The following DLGAP1 variants were observed in gnomAD, a reference collection of about 807,000 sequenced individuals.
The protein encoded by DLGAP1 is DLG associated protein 1.
In DLGAP1, 11 loss-of-function variants were observed where a neutral mutation model predicts 90.8. The observed-to-expected ratio is 0.12, with a 90% CI of 0.08 to 0.20. The LOEUF is 0.20. Ranked by LOEUF, DLGAP1 falls within the 10% of genes least tolerant of loss-of-function variation. The pLI, the probability that DLGAP1 is intolerant of heterozygous loss-of-function variation, is 1.00. For synonymous variants in DLGAP1, 558 were observed against 540.7 expected (o/e 1.03, Z -0.44); for missense variants, 1,050 against 1,333.8 (o/e 0.79, Z 3.31).
chr18:4,418,303 T>C (rs1030863058), intron 1 of DLGAP1, among the ~76,000 whole-genome samples: 1 of 151,996 alleles, frequency 6.6e-6, no homozygotes, highest in Non-Finnish European at 1.5e-5. Context: ...ACATAAAGTA[T>C]ATAGAAAGGC....
At chr18:3,917,611 C>T (rs2072175249) in intron 3 of DLGAP1, among the ~76,000 whole-genome samples, 1 of 152,162 alleles carries the variant, frequency 6.6e-6, no homozygotes, top group Admixed American at 6.5e-5. Context: ...ACTGAGTAAA[C>T]ACCAAAGAGC....
intron 6 of DLGAP1, among the ~76,000 whole-genome samples, chr18:3,739,241 A>G (rs897257435): frequency 2.0e-4 from 31 of 151,358 alleles, no homozygotes; most frequent in Middle Eastern, 3.4e-3. Context: ...ATCTAGAACC[A>G]GAAATACCAT....
At chr18:3,619,352 C>T (rs145376992) in intron 7 of DLGAP1, among the ~76,000 whole-genome samples, 3 of 152,166 alleles carry the variant, frequency 2.0e-5, no homozygotes, top group Admixed American at 1.3e-4. Flanking sequence ...GCATCTTTCC[C>T]AGGTGGCCTG....
chr18:3,930,218 T>A (rs939301152), intron 3 of DLGAP1, among the ~76,000 whole-genome samples: 1 of 152,210 alleles, frequency 6.6e-6, no homozygotes. Flanking sequence ...GTGAACACAT[T>A]CTTTTCCTAT....
intron 1 of DLGAP1, among the ~76,000 whole-genome samples, chr18:4,393,267 A>G (rs191619865): frequency 6.1e-4 from 92 of 151,142 alleles, no homozygotes; most frequent in African/African-American, 2.1e-3. Flanking sequence ...CAAGACCCGT[A>G]TTTATTTGCA....
intron 1 of DLGAP1, among the ~76,000 whole-genome samples, chr18:4,209,231 A>G (rs1304226094): frequency 1.3e-5 from 2 of 152,254 alleles, no homozygotes; most frequent in East Asian, 3.9e-4. Context: ...GGCGGTGGTG[A>G]TTCTCCACCA....
At chr18:4,422,788 C>A (rs777201865) in intron 1 of DLGAP1, among the ~76,000 whole-genome samples, 67 of 151,930 alleles carry the variant, frequency 4.4e-4, no homozygotes, top group Non-Finnish European at 7.5e-4. Flanking sequence ...CTGAATGTAA[C>A]AAACTTTCAT....
At chr18:3,580,738 C>G in intron 8 of DLGAP1, 1 of 1,613,598 alleles carries the variant, frequency 6.2e-7, no homozygotes, top group East Asian at 2.2e-5. Flanking sequence ...AGGACAGCCA[C>G]GCACCATCCC....
At chr18:4,244,015 C>T (rs957172379) in intron 1 of DLGAP1, among the ~76,000 whole-genome samples, 1 of 152,076 alleles carries the variant, frequency 6.6e-6, no homozygotes, top group Non-Finnish European at 1.5e-5. Context: ...ATTTTGCTTT[C>T]TTGCTCTTTT....
intron 1 of DLGAP1, among the ~76,000 whole-genome samples, chr18:4,410,022 C>A (rs536108042): frequency 1.3e-5 from 2 of 152,166 alleles, no homozygotes; most frequent in East Asian, 3.9e-4. Context: ...TGGAAGAGAT[C>A]GGAGACTATT....
intron 3 of DLGAP1, among the ~76,000 whole-genome samples, chr18:3,921,488 C>T (rs2148912089): frequency 6.6e-6 from 1 of 152,062 alleles, no homozygotes; most frequent in Non-Finnish European, 1.5e-5. Context: ...CTATCCAATT[C>T]TATATATAAG....
At chr18:3,921,528 T>C (rs944626587) in intron 3 of DLGAP1, among the ~76,000 whole-genome samples, 3 of 152,122 alleles carry the variant, frequency 2.0e-5, no homozygotes, top group Non-Finnish European at 2.9e-5. Context: ...TGGATGAGTT[T>C]CTAGTAAAAA....
intron 7 of DLGAP1, among the ~76,000 whole-genome samples, chr18:3,657,886 G>C (rs1297805203): frequency 6.6e-6 from 1 of 151,960 alleles, no homozygotes; most frequent in African/African-American, 2.4e-5. Flanking sequence ...TTACAGGCTT[G>C]AGCCACCGCG....
intron 4 of DLGAP1, among the ~76,000 whole-genome samples, chr18:3,850,006 T>C (rs1313545163): frequency 6.6e-6 from 1 of 152,168 alleles, no homozygotes; most frequent in Non-Finnish European, 1.5e-5. Flanking sequence ...AATAACACTG[T>C]GATGCCATTA....
intron 1 of DLGAP1, among the ~76,000 whole-genome samples, chr18:4,421,896 T>C (rs79525033): frequency 0.055 from 8,294 of 151,994 alleles, 402 homozygotes; most frequent in African/African-American, 0.13. Flanking sequence ...GTAGTTCTAG[T>C]AGAGACAGGA....
chr18:3,809,392 AAAAC>A (rs1008537153), intron 5 of DLGAP1, among the ~76,000 whole-genome samples: 37 of 152,362 alleles, frequency 2.4e-4, no homozygotes, highest in East Asian at 3.9e-4. Flanking sequence ...CAATTTATCT[AAAAC>A]AAACAAACAA....
chr18:3,982,526 T>C (rs946740480), intron 3 of DLGAP1, among the ~76,000 whole-genome samples: 1 of 152,194 alleles, frequency 6.6e-6, no homozygotes, highest in African/African-American at 2.4e-5. Flanking sequence ...TTGGTGCTGG[T>C]AATTAACTTC....
intron 5 of DLGAP1, chr18:3,774,553 G>A (rs1350520347): frequency 6.6e-6 from 1 of 152,332 alleles, no homozygotes; most frequent in Non-Finnish European, 1.5e-5. Flanking sequence ...CCGCTGCTTT[G>A]CCTCTCGCTC....
intron 10 of DLGAP1, among the ~76,000 whole-genome samples, chr18:3,515,424 A>G (rs12962422): frequency 0.7 from 100,386 of 143,770 alleles, 35,358 homozygotes; most frequent in South Asian, 0.79. Flanking sequence ...AGCCAAGATC[A>G]TGCCACTGCA....
Sources: allele counts gnomAD v4.1 joint callset (sites outside exome capture counted in the v4.1 genomes callset), GRCh38; gene constraint gnomAD v4.1.1; transcripts MANE v1.5; gene names NCBI Gene and HGNC (gene_info 2026-07-23, HGNC 2026-07-21).